Variants in AMBRA1 observed in about 807,000 individuals in gnomAD.
AMBRA1 encodes the protein activating molecule in BECN1-regulated autophagy protein 1.
In AMBRA1, 47 loss-of-function variants were observed where a neutral mutation model predicts 125.4. The ratio of observed to expected loss-of-function variants is 0.37; its 90% CI spans 0.30 to 0.48. The LOEUF (loss-of-function observed/expected upper bound fraction) is 0.48, where lower values mean the gene tolerates loss of function less well. AMBRA1 is among the 20% of genes least tolerant of loss of function. The pLI, the probability that AMBRA1 is intolerant of heterozygous loss-of-function variation, is 0.99. For missense variants in AMBRA1, 1,331 were observed against 1,693.4 expected (o/e 0.79, Z 3.76); for synonymous variants, 626 against 655.5 (o/e 0.95, Z 0.69).
At chr11:46,477,603 G>A (rs1275406214) in intron 11 of AMBRA1, among the ~76,000 whole-genome samples, 12 of 151,942 alleles carry the variant, frequency 7.9e-5, no homozygotes. Flanking sequence ...CTACTGTGCT[G>A]GGATTACAGG....
intron 12 of AMBRA1, among the ~76,000 whole-genome samples, chr11:46,441,619 A>G (rs1948012684): frequency 6.6e-6 from 1 of 152,228 alleles, no homozygotes; most frequent in African/African-American, 2.4e-5. Context: ...TGGCTTCTGA[A>G]AAAACTGCTG....
intron 7 of AMBRA1, among the ~76,000 whole-genome samples, chr11:46,530,920 G>A (rs1215454513): frequency 1.3e-5 from 2 of 152,180 alleles, no homozygotes; most frequent in Non-Finnish European, 2.9e-5. Flanking sequence ...TTCTCGCTCT[G>A]TAGCCCAGGC....
In AMBRA1 at chr11:46,542,980, G is replaced by T. The variant is rs910165754; in HGVS notation, c.1037C>A (p.Thr346Asn). ...ATTPSFSFVQ[T>N]EPFHPPEQAS... ...CTGCTCCGGGGGATGGAAGGGCTCG[G>T]TCTGTACAAAAGAAAAGGAAGGGGT... is the stretch of plus-strand genomic sequence containing the variant. The change falls in exon 7 of 18, where the codon ACC becomes AAC. Residue 346 changes from threonine (T) to asparagine (N), a missense_variant. By Grantham distance (65) the Thr-to-Asn change is moderately conservative (BLOSUM62 0). Transcript: ENST00000683756. This position sits in a 1 kb window ranked among gnomAD's most constrained non-coding sequence, Gnocchi z 5.9. 2.5e-6 allele frequency: 4 copies of T among 1,602,888 alleles called. No individual in the cohort carries two copies. Among genetic ancestry groups the T allele is most frequent in the Non-Finnish European group, 3.4e-6 (4 of 1,179,956 alleles).
chr11:46,510,460 A>AAG (rs1951214563), intron 8 of AMBRA1, among the ~76,000 whole-genome samples: 8 of 152,234 alleles, frequency 5.3e-5, no homozygotes, highest in Non-Finnish European at 1.0e-4. Flanking sequence ...AAGAATATAC[A>AAG]AGGAGAAAAA....
intron 1 of AMBRA1, among the ~76,000 whole-genome samples, chr11:46,585,900 G>T (rs1177484249): frequency 6.7e-6 from 1 of 149,304 alleles, no homozygotes; most frequent in Non-Finnish European, 1.5e-5. Context: ...CCGCCTCCGG[G>T]GTTCAAGCTA....
chr11:46,547,882 G>C lies in AMBRA1; in HGVS notation c.136-7C>G. ...TATCCGGCAGTTCTACTCTCTGGGA[G>C]ACAAAAAAAAAAAAAAAGTTAAAAT... On this transcript the variant is annotated splice_polypyrimidine_tract_variant and splice_region_variant and intron_variant, in intron 2 of 17. Transcript: ENST00000683756. 1 of 1,517,194 alleles carries C rather than the reference G, an allele frequency of 6.6e-7. No individual in the cohort carries two copies. The highest frequency in any genetic ancestry group is 1.2e-5 in the South Asian group (1 of 80,270). 94.0% of individuals were successfully genotyped at this position (1,517,194 alleles called of 1,614,324 possible). A position where few individuals can be genotyped will look rare whatever the true frequency, so the allele number is the denominator to read the frequency against.
intron 2 of AMBRA1, 46 bp downstream of exon 2, chr11:46,548,200 C>T (rs773160168): frequency 3.7e-6 from 6 of 1,612,256 alleles, no homozygotes; most frequent in Non-Finnish European, 5.1e-6. Flanking sequence ...TCTCATTCTA[C>T]CATCACCAGC....
chr11:46,482,735 G>A (rs1037065767), intron 11 of AMBRA1, among the ~76,000 whole-genome samples: 6 of 152,162 alleles, frequency 3.9e-5, no homozygotes, highest in Admixed American at 2.0e-4. Flanking sequence ...AACCAGCCAG[G>A]CGTAGTGGCT....
intron 14 of AMBRA1, chr11:46,428,555 G>A (rs1002966511): frequency 1.9e-6 from 2 of 1,069,002 alleles, no homozygotes; most frequent in African/African-American, 3.1e-5. Context: ...CAGCGATTAG[G>A]CAATGAGGAT....
At chr11:46,569,520 C>T (rs2043679912) in intron 1 of AMBRA1, among the ~76,000 whole-genome samples, 1 of 149,960 alleles carries the variant, frequency 6.7e-6, no homozygotes, top group African/African-American at 2.5e-5. Context: ...GCAAACCTAG[C>T]AGATGTTTAC....
At chr11:46,516,422 TC>T (rs1951485762) in intron 7 of AMBRA1, among the ~76,000 whole-genome samples, 1 of 144,164 alleles carries the variant, frequency 6.9e-6, no homozygotes, top group Non-Finnish European at 1.5e-5. Flanking sequence ...GAAAGATCTT[TC>T]TTTTTTTTTT....
At chr11:46,551,982 C>G (rs767819159) in intron 1 of AMBRA1, among the ~76,000 whole-genome samples, 9 of 143,702 alleles carry the variant, frequency 6.3e-5, no homozygotes, top group Non-Finnish European at 1.1e-4. Context: ...GAGCCAAGAT[C>G]GCACCACTGC....
intron 12 of AMBRA1, among the ~76,000 whole-genome samples, chr11:46,438,239 A>T (rs1180509846): frequency 6.6e-6 from 1 of 152,250 alleles, no homozygotes; most frequent in Non-Finnish European, 1.5e-5. Context: ...TTCAGGGGGC[A>T]GCTCCGGAGG....
chr11:46,402,312 G>C (rs547199817), intron 17 of AMBRA1, among the ~76,000 whole-genome samples: 1 of 152,182 alleles, frequency 6.6e-6, no homozygotes, highest in African/African-American at 2.4e-5. Flanking sequence ...CCAGACTTAA[G>C]GATGCTTGGA....
rs1419918809 is a variant in AMBRA1, at chr11:46,428,118, G to T, written c.2976+5356C>A. 4.0e-5 allele frequency among the ~76,000 whole-genome samples: 6 copies of T among 150,212 alleles called. No individual in the cohort carries two copies. The South Asian group carries it at 1.3e-3, about 32-fold the overall frequency. On this transcript the variant is annotated intron_variant, in intron 14 of 17. Coordinates refer to ENST00000683756, the MANE Select transcript of AMBRA1 (RefSeq NM_001387011.1). ...TTGCTAGCGCTCTAGAGGGAGAAGG[G>T]GTATAAAGGGATAGACCACTACTGA...
intron 1 of AMBRA1, among the ~76,000 whole-genome samples, chr11:46,570,841 G>A (rs1440204306): frequency 2.6e-5 from 4 of 151,942 alleles, no homozygotes; most frequent in African/African-American, 7.3e-5. Flanking sequence ...AACTATTTTT[G>A]TCCATTTAGC....
chr11:46,423,790 T>C (rs1270505577), intron 14 of AMBRA1, among the ~76,000 whole-genome samples: 1 of 122,300 alleles, frequency 8.2e-6, no homozygotes, highest in Non-Finnish European at 1.7e-5. Context: ...TGAGATGGAG[T>C]TCCGCTCTTG....
chr11:46,464,733 C>T (rs922967730), intron 11 of AMBRA1, among the ~76,000 whole-genome samples: 3 of 152,042 alleles, frequency 2.0e-5, no homozygotes, highest in Non-Finnish European at 4.4e-5. Flanking sequence ...AGTCCATACC[C>T]TAACTACCTC....
At chr11:46,580,404 C>A (rs1378011487) in intron 1 of AMBRA1, among the ~76,000 whole-genome samples, 2 of 152,180 alleles carry the variant, frequency 1.3e-5, no homozygotes, top group East Asian at 3.8e-4. Context: ...TTGATATCTG[C>A]ACTTGTATGT....
Sources: gnomAD v4.1 joint callset for allele counts (sites outside exome capture counted in the v4.1 genomes callset) on GRCh38, gnomAD v4.1.1 for gene constraint, Gnocchi (gnomAD v3.1) non-coding constraint, MANE v1.5 for transcripts, NCBI Gene and HGNC (gene_info 2026-07-23, HGNC 2026-07-21) for gene names.